PALLD: variants seen among roughly 807,000 people sequenced by gnomAD.
PALLD encodes palladin, cytoskeletal associated protein, also known as palladin.
PALLD carries 61 observed loss-of-function variants against 123.5 expected under a neutral mutation model. The observed-to-expected ratio is 0.49, with a 90% confidence interval of 0.40 to 0.61. The LOEUF (loss-of-function observed/expected upper bound fraction) is 0.61, where lower values mean the gene tolerates loss of function less well. Among genes scored for constraint, PALLD ranks in the 20% least tolerant of loss-of-function variants. PALLD has a pLI of 0.00. For synonymous variants in PALLD, 465 were observed against 496.4 expected, an observed-to-expected ratio of 0.94 and a Z score of 0.84; for missense variants, 1,273 against 1,377.0, an observed-to-expected ratio of 0.92 and a Z score of 1.20.
intron 10 of PALLD, among the ~76,000 whole-genome samples, chr4:168,766,128 G>C (rs1260767327): frequency 6.6e-6 from 1 of 152,192 alleles, no homozygotes; most frequent in Non-Finnish European, 1.5e-5. Context: ...CCTGCCAAAT[G>C]TGAGGTGTGG....
At chr4:168,702,203 A>G (rs1327522793) in intron 8 of PALLD, among the ~76,000 whole-genome samples, 1 of 151,956 alleles carries the variant, frequency 6.6e-6, no homozygotes, top group East Asian at 1.9e-4. Flanking sequence ...AAAGAACATC[A>G]GCTCTAGAAA....
At chr4:168,832,021 C>T in intron 10 of PALLD, 1 of 985,368 alleles carries the variant, frequency 1.0e-6, no homozygotes, top group Non-Finnish European at 1.2e-6. Flanking sequence ...TGAAGGGCGG[C>T]GGGTGAAGGC....
chr4:168,645,399 AG>A (rs1023062183), intron 2 of PALLD, among the ~76,000 whole-genome samples: 4 of 152,204 alleles, frequency 2.6e-5, no homozygotes, highest in Admixed American at 1.3e-4. Flanking sequence ...AATACAGATA[AG>A]ATGGGGTGTT....
intron 10 of PALLD, among the ~76,000 whole-genome samples, chr4:168,746,165 A>G (rs1730264066): frequency 6.6e-6 from 1 of 151,714 alleles, no homozygotes; most frequent in Admixed American, 6.6e-5. Flanking sequence ...TCCCTCCCCC[A>G]CTTAAACATA....
At chr4:168,761,896 C>G (rs937454379) in intron 10 of PALLD, among the ~76,000 whole-genome samples, 4 of 151,784 alleles carry the variant, frequency 2.6e-5, no homozygotes, top group Non-Finnish European at 5.9e-5. Flanking sequence ...TTCAGTCATT[C>G]TTTCCTAATG....
chr4:168,608,264 G>A (rs17054387), intron 2 of PALLD, among the ~76,000 whole-genome samples: 1,558 of 152,270 alleles, frequency 0.01, 19 homozygotes, highest in African/African-American at 0.033. Flanking sequence ...GTGGTCTGCC[G>A]TTTCTCAGAG....
intron 15 of PALLD, among the ~76,000 whole-genome samples, chr4:168,910,893 G>A (rs1382711148): frequency 3.3e-5 from 5 of 152,110 alleles, no homozygotes; most frequent in Non-Finnish European, 7.4e-5. Flanking sequence ...AAGGAGGTAA[G>A]CATATACCTC....
intron 15 of PALLD, among the ~76,000 whole-genome samples, chr4:168,904,688 G>A (rs1313702398): frequency 6.6e-6 from 1 of 151,832 alleles, no homozygotes; most frequent in Non-Finnish European, 1.5e-5. Flanking sequence ...GAAAAAAAAA[G>A]GCATGGTAAA....
chr4:168,715,538 A>G (rs183902254), intron 10 of PALLD, among the ~76,000 whole-genome samples: 120 of 152,314 alleles, frequency 7.9e-4, no homozygotes, highest in Non-Finnish European at 1.4e-3. Context: ...AACCTAACTT[A>G]TACACTATTC....
At chr4:168,598,313 T>A (rs1722339857) in intron 2 of PALLD, 1 of 436,950 alleles carries the variant, frequency 2.3e-6, no homozygotes, top group Admixed American at 2.8e-5. Flanking sequence ...CTCATCATTG[T>A]CTTCTGGGTT....
At chr4:168,925,805 G>T (rs552717967) in intron 21 of PALLD, among the ~76,000 whole-genome samples, 2 of 152,174 alleles carry the variant, frequency 1.3e-5, no homozygotes, top group African/African-American at 4.8e-5. Flanking sequence ...CCTACTGTAC[G>T]ATTCCTTTCA....
chr4:168,846,988 T>A (rs186549487), intron 10 of PALLD, among the ~76,000 whole-genome samples: 1 of 152,282 alleles, frequency 6.6e-6, no homozygotes. Context: ...CTGAAATTAG[T>A]GGGCTGGTTG....
Position 168,898,539 on chromosome 4 carries a change from A to G in PALLD, c.2297A>G (p.Glu766Gly), listed in dbSNP as rs755097177. 6.2e-7 allele frequency: 1 copy of G among 1,613,908 alleles called. No individual in the cohort carries two copies. The highest frequency in any genetic ancestry group is 1.7e-4 in the Middle Eastern group (1 of 6,060). ...GAACAGAGACTCATCAGTGAAATAG[A>G]GTACAGGCTAGAAAGGTCTCCTGTG... Reference protein sequence around the residue: ...SCEQRLISEIEYRLERSPVDE... With the variant: ...SCEQRLISEIGYRLERSPVDE... Residue 766 changes from glutamate to glycine, a missense_variant, in exon 14 of 22, where the codon GAG (glutamate) becomes GGG (glycine). Physicochemically the swap from Glu to Gly is moderately conservative, Grantham distance 98. Transcript: ENST00000505667.
Position 168,925,213 on chromosome 4 carries a change from C to G in PALLD, c.3359-20C>G. On this transcript the variant is annotated intron_variant, in intron 20 of 21. Coordinates refer to ENST00000505667, the MANE Select transcript of PALLD (RefSeq NM_001166108.2). ...TTGTCAAAAAAATTCATATTGCTCT[C>G]TCTCTCTTTCTATTTGTAGTTTCTC... 6.3e-7 allele frequency: 1 copy of G among 1,598,630 alleles called. No homozygotes were observed. The highest frequency in any genetic ancestry group is 8.6e-7 in the Non-Finnish European group (1 of 1,165,892).
chr4:168,616,906 C>G (rs1342781657), intron 2 of PALLD, among the ~76,000 whole-genome samples: 1 of 152,100 alleles, frequency 6.6e-6, no homozygotes, highest in Non-Finnish European at 1.5e-5. Flanking sequence ...AGTAATAGAG[C>G]CCCTAAGTCT....
At chr4:168,612,255 A>C (rs1481372083) in intron 2 of PALLD, among the ~76,000 whole-genome samples, 1 of 30,572 alleles carries the variant, frequency 3.3e-5, no homozygotes, top group Admixed American at 2.6e-4. Flanking sequence ...CTAGGTTTAC[A>C]AAAAAAAAAA....
chr4:168,531,298 A>T (rs1764576251), intron 2 of PALLD, among the ~76,000 whole-genome samples: 1 of 152,206 alleles, frequency 6.6e-6, no homozygotes, highest in Non-Finnish European at 1.5e-5. Context: ...ATGATGATCA[A>T]TCTGAAATGG....
chr4:168,921,789 C>T (rs1377410151), intron 18 of PALLD, 48 bp downstream of exon 18: 1 of 1,383,802 alleles, frequency 7.2e-7, no homozygotes, highest in East Asian at 2.3e-5. Flanking sequence ...GAACATCAGA[C>T]TTACAAATGT....
chr4:168,580,238 T>TGG (rs1307154638), intron 2 of PALLD, among the ~76,000 whole-genome samples: 1 of 137,138 alleles, frequency 7.3e-6, no homozygotes, highest in Admixed American at 7.1e-5. Context: ...TATTTCACTG[T>TGG]GGTGTGTGTG....
Sources: allele counts gnomAD v4.1 joint callset (sites outside exome capture counted in the v4.1 genomes callset), GRCh38; gene constraint gnomAD v4.1.1; transcripts MANE v1.5; gene names NCBI Gene and HGNC (gene_info 2026-07-23, HGNC 2026-07-21).